Variants in KLF8 observed in about 807,000 individuals in gnomAD.
KLF8 encodes the protein Krueppel-like factor 8.
KLF8 carries 10 observed loss-of-function variants against 18.2 expected under a neutral mutation model. The observed-to-expected ratio is 0.55, with a 90% CI of 0.34 to 0.93. The LOEUF (loss-of-function observed/expected upper bound fraction) is 0.93. KLF8 is among the 40% of genes least tolerant of loss of function. The pLI is 0.02. For missense variants in KLF8, 264 were observed against 277.9 expected (o/e 0.95, Z 0.36); for synonymous variants, 109 against 97.3 (o/e 1.12, Z -0.71).
At chrX:56,202,075 C>T in the KLF8 span, among the ~76,000 whole-genome samples, 1 of 111,051 alleles carries the variant, frequency 9.0e-6, no homozygotes, top group Non-Finnish European at 1.9e-5. Context: ...ATCTGAGCCT[C>T]CTAGAGAAGA....
the KLF8 span, among the ~76,000 whole-genome samples, chrX:55,928,045 G>C: frequency 1.8e-5 from 2 of 112,021 alleles, no homozygotes; most frequent in Non-Finnish European, 3.8e-5. Flanking sequence ...ATCCAATACA[G>C]AATACAGACT....
At chrX:56,109,179 G>T in the KLF8 span, among the ~76,000 whole-genome samples, 2 of 110,972 alleles carry the variant, frequency 1.8e-5, no homozygotes, top group Admixed American at 9.6e-5. Context: ...GGAGGATCAT[G>T]AGCCCAGGAA....
At chrX:56,262,914 C>T (rs1038755403) in intron 2 of KLF8, among the ~76,000 whole-genome samples, 44 of 111,767 alleles carry the variant, frequency 3.9e-4, no homozygotes, top group African/African-American at 1.1e-3. Context: ...TGAGCCACCG[C>T]GCCCGCCCTA....
At chrX:56,237,072 C>G (rs2066484915) in intron 1 of KLF8, among the ~76,000 whole-genome samples, 1 of 106,243 alleles carries the variant, frequency 9.4e-6, no homozygotes, top group Non-Finnish European at 1.9e-5. Flanking sequence ...TATCAATCAA[C>G]TTTTAAAAGT....
chrX:56,003,960 C>A, the KLF8 span, among the ~76,000 whole-genome samples: 3 of 112,447 alleles, frequency 2.7e-5, no homozygotes, highest in East Asian at 8.3e-4. Flanking sequence ...TCTATCCATT[C>A]TTTGCTTATC....
At chrX:56,181,399 G>A in the KLF8 span, among the ~76,000 whole-genome samples, 462 of 110,986 alleles carry the variant, frequency 4.2e-3, 2 homozygotes, top group African/African-American at 0.014. Context: ...CACACTGATC[G>A]GTCTTGACTC....
chrX:56,248,490 T>C (rs1361403716), intron 1 of KLF8, among the ~76,000 whole-genome samples: 1 of 111,813 alleles, frequency 8.9e-6, no homozygotes, highest in East Asian at 2.8e-4. Context: ...TCAGAATCAC[T>C]CTGCTTCCTC....
At chrX:56,236,408 G>A (rs1485175730) in intron 1 of KLF8, among the ~76,000 whole-genome samples, 1 of 111,889 alleles carries the variant, frequency 8.9e-6, no homozygotes, top group Non-Finnish European at 1.9e-5. Context: ...GCATGAAAGT[G>A]AAGCAGTGGG....
the KLF8 span, among the ~76,000 whole-genome samples, chrX:55,938,655 G>A: frequency 9.0e-6 from 1 of 110,767 alleles, no homozygotes; most frequent in Non-Finnish European, 1.9e-5. Flanking sequence ...ACACACATAG[G>A]CTCAAAATAA....
chrX:56,095,497 A>G, the KLF8 span, among the ~76,000 whole-genome samples: 1 of 112,546 alleles, frequency 8.9e-6, no homozygotes, highest in African/African-American at 3.2e-5. Context: ...ACAGCAAAAA[A>G]AAAGCTAGAG....
chrX:56,208,853 T>A, the KLF8 span, among the ~76,000 whole-genome samples: 216 of 112,334 alleles, frequency 1.9e-3, no homozygotes, highest in Middle Eastern at 0.014. Flanking sequence ...TTTAAAAAAA[T>A]TTTTAAGACT....
chrX:56,243,022 C>T, intron 1 of KLF8: 1 of 504,171 alleles, frequency 2.0e-6, no homozygotes, highest in Non-Finnish European at 3.6e-6. Flanking sequence ...TCCATCAGGT[C>T]AAATCAGGGT....
chrX:56,062,397 A>C, the KLF8 span, among the ~76,000 whole-genome samples: 1 of 111,519 alleles, frequency 9.0e-6, no homozygotes, highest in East Asian at 2.8e-4. Context: ...AAAATCTCTC[A>C]ACATTTGCTT....
the KLF8 span, among the ~76,000 whole-genome samples, chrX:56,092,225 G>T: frequency 4.5e-5 from 5 of 111,182 alleles, no homozygotes; most frequent in Non-Finnish European, 9.4e-5. Context: ...TTAGTCCCCT[G>T]TTAGATAAAT....
rs780964789 is a variant in KLF8 at position 56,253,927 on chromosome X, AT to A, written c.81+3640del. On this transcript the variant is annotated intron_variant, in intron 2 of 5. Coordinates refer to ENST00000468660, the MANE Select transcript of KLF8 (RefSeq NM_007250.5). The stretch of plus-strand genomic sequence containing the variant: ...GGGCATGTGCCACCATGCCCAGCTA[AT>A]TTTTTTTTTTTTTTTTGGCAGAGAC... Among the ~76,000 whole-genome samples the A allele has an allele frequency of 4.6e-3, 401 of 86,445 alleles. 2 individuals are homozygous for A. Among genetic ancestry groups the A allele is most frequent in the African/African-American group, 0.011 (250 of 23,013 alleles). 75.1% of individuals were successfully genotyped at this position (86,445 alleles called of 115,157 possible).
the KLF8 span, among the ~76,000 whole-genome samples, chrX:55,990,959 G>C: frequency 8.9e-6 from 1 of 112,524 alleles, no homozygotes; most frequent in Non-Finnish European, 1.9e-5. Context: ...GGACCCACTT[G>C]AGGAGGCAGT....
At chrX:55,996,370 A>C in the KLF8 span, among the ~76,000 whole-genome samples, 2 of 111,951 alleles carry the variant, frequency 1.8e-5, no homozygotes, top group African/African-American at 6.5e-5. Flanking sequence ...GTCATTCCAG[A>C]CATTTTAGTC....
At chrX:56,253,648 C>A (rs1430053737) in intron 2 of KLF8, among the ~76,000 whole-genome samples, 1 of 108,986 alleles carries the variant, frequency 9.2e-6, no homozygotes, top group Non-Finnish European at 1.9e-5. Flanking sequence ...TAATGTGATT[C>A]CTTCAGTTTT....
intron 1 of KLF8, among the ~76,000 whole-genome samples, chrX:56,243,700 T>C (rs930854948): frequency 9.2e-6 from 1 of 108,828 alleles, no homozygotes; most frequent in Non-Finnish European, 1.9e-5. Flanking sequence ...CACTCCCAGC[T>C]AATTTTTATA....
Sources: allele counts gnomAD v4.1 joint callset (sites outside exome capture counted in the v4.1 genomes callset), GRCh38; gene constraint gnomAD v4.1.1; transcripts MANE v1.5; gene names NCBI Gene and HGNC (gene_info 2026-07-23, HGNC 2026-07-21).